The following ADCY2 variants were observed in gnomAD, a reference collection of about 807,000 sequenced individuals.
ADCY2 encodes adenylate cyclase type 2.
In ADCY2, 31 loss-of-function variants were observed where a neutral mutation model predicts 125.2. The ratio of observed to expected loss-of-function variants is 0.25; its 90% CI spans 0.19 to 0.33. The LOEUF (loss-of-function observed/expected upper bound fraction) is 0.33. Among genes scored for constraint, ADCY2 ranks in the 10% least tolerant of loss-of-function variants. ADCY2 has a pLI of 1.00. For missense variants in ADCY2, 904 were observed against 1,418.2 expected (o/e 0.64, Z 5.82); for synonymous variants, 512 against 548.4 (o/e 0.93, Z 0.93).
intron 2 of ADCY2, among the ~76,000 whole-genome samples, chr5:7,430,557 T>A (rs965359735): frequency 2.0e-5 from 3 of 148,414 alleles, no homozygotes; most frequent in African/African-American, 7.3e-5. Context: ...AGTATATTGA[T>A]ATACTATATA....
chr5:7,805,458 G>T (rs948933852), intron 22 of ADCY2, among the ~76,000 whole-genome samples: 1 of 147,608 alleles, frequency 6.8e-6, no homozygotes, highest in Non-Finnish European at 1.5e-5. Context: ...GTGTGTGTGT[G>T]AGAGAGAGAG....
At position 7,720,838 on chromosome 5, in the gene ADCY2, A is replaced by C. The variant is rs529840136; in HGVS notation, c.1703+3601A>C. 3.7e-3 allele frequency among the ~76,000 whole-genome samples: 566 copies of C among 152,296 alleles called. 1 individual carries two copies. The highest frequency in any genetic ancestry group is 0.013 in the African/African-American group (528 of 41,552). On this transcript the variant is annotated intron_variant, in intron 12 of 24. Coordinates refer to ENST00000338316, the MANE Select transcript of ADCY2 (RefSeq NM_020546.3). ...TGGTTCCAAGTCTTTGCTATTGTGAATAGTGCCGCAATAAACATACATGTG... is the reference window on the plus strand; with the variant it reads ...TGGTTCCAAGTCTTTGCTATTGTGACTAGTGCCGCAATAAACATACATGTG...
At chr5:7,626,915 A>G (rs988623661) in intron 4 of ADCY2, among the ~76,000 whole-genome samples, 4 of 152,192 alleles carry the variant, frequency 2.6e-5, no homozygotes, top group Admixed American at 1.3e-4. Flanking sequence ...CAAAGATTGC[A>G]TCTTCCCCAT....
chr5:7,440,440 T>C (rs1740970189), intron 2 of ADCY2, among the ~76,000 whole-genome samples: 1 of 152,238 alleles, frequency 6.6e-6, no homozygotes, highest in Admixed American at 6.5e-5. Flanking sequence ...AAAAAATCTT[T>C]TCATTTTGCG....
At chr5:7,609,622 T>C (rs1737503855) in intron 3 of ADCY2, among the ~76,000 whole-genome samples, 1 of 152,180 alleles carries the variant, frequency 6.6e-6, no homozygotes, top group South Asian at 2.1e-4. Flanking sequence ...ACAGGTGGGA[T>C]CTTGACCCTC....
intron 4 of ADCY2, among the ~76,000 whole-genome samples, chr5:7,644,741 C>T (rs1244516125): frequency 1.3e-5 from 2 of 152,036 alleles, no homozygotes; most frequent in African/African-American, 2.4e-5. Context: ...CTTTTCTTGT[C>T]CCCCATACAA....
intron 1 of ADCY2, among the ~76,000 whole-genome samples, chr5:7,403,937 TAC>T (rs370540720): frequency 0.06 from 8,432 of 140,296 alleles, 655 homozygotes; most frequent in African/African-American, 0.18. Flanking sequence ...CTTTCAATGC[TAC>T]ACACACACAC....
At chr5:7,419,688 T>C (rs1411552396) in intron 2 of ADCY2, among the ~76,000 whole-genome samples, 1 of 152,104 alleles carries the variant, frequency 6.6e-6, no homozygotes, top group Non-Finnish European at 1.5e-5. Flanking sequence ...AACACACTCT[T>C]CTCGGGCAGG....
intron 4 of ADCY2, chr5:7,658,162 A>G (rs1739404648): frequency 6.6e-6 from 1 of 152,228 alleles, no homozygotes; most frequent in African/African-American, 2.4e-5. Context: ...CAACCAATGC[A>G]CTGCACTGAT....
chr5:7,431,226 C>T (rs1740587651), intron 2 of ADCY2, among the ~76,000 whole-genome samples: 1 of 152,044 alleles, frequency 6.6e-6, no homozygotes, highest in Admixed American at 6.5e-5. Context: ...CTAGACTATC[C>T]GGAAATAAGT....
At chr5:7,658,819 T>G (rs1158922148) in intron 4 of ADCY2, among the ~76,000 whole-genome samples, 1 of 152,172 alleles carries the variant, frequency 6.6e-6, no homozygotes. Context: ...GATGCTGCAG[T>G]TCAAGTTCAA....
chr5:7,766,412 C>G (rs1189711646), intron 16 of ADCY2, among the ~76,000 whole-genome samples: 2 of 152,148 alleles, frequency 1.3e-5, no homozygotes, highest in Non-Finnish European at 2.9e-5. Flanking sequence ...GTAATTCTAA[C>G]CACGCCCTCT....
Position 7,523,315 on chromosome 5 carries a change from T to TAA in ADCY2, c.570+2432_570+2433dup, listed in dbSNP as rs5865718. Among the ~76,000 whole-genome samples, 491 of 135,686 alleles carry TAA rather than the reference T, an allele frequency of 3.6e-3. 2 individuals carry two copies. Among genetic ancestry groups the TAA allele is most frequent in the Middle Eastern group, 7.9e-3 (2 of 254 alleles). The allele number at this position is 135,686 out of a possible 152,430, so 89.0% of individuals were successfully genotyped here. A position where few individuals can be genotyped will look rare whatever the true frequency, so the allele number is the denominator to read the frequency against. Reference sequence around the variant, plus strand: ...AAGCATTTTTATTTTCCTGCATTGGTAAAAAAAAAAAAAAAAAGTGGGAAA... The same window carrying TAA: ...AAGCATTTTTATTTTCCTGCATTGGTAAAAAAAAAAAAAAAAAAAGTGGGAAA... On this transcript the variant is annotated intron_variant, in intron 3 of 24. Coordinates refer to ENST00000338316, the MANE Select transcript of ADCY2 (RefSeq NM_020546.3).
At chr5:7,636,451 G>A (rs1227426070) in intron 4 of ADCY2, among the ~76,000 whole-genome samples, 1 of 152,248 alleles carries the variant, frequency 6.6e-6, no homozygotes, top group Admixed American at 6.5e-5. Flanking sequence ...AGTCTATGCA[G>A]GGTGTGGGGA....
intron 4 of ADCY2, among the ~76,000 whole-genome samples, chr5:7,668,323 G>A (rs1364396041): frequency 6.6e-6 from 1 of 152,210 alleles, no homozygotes; most frequent in Non-Finnish European, 1.5e-5. Context: ...AAAGGAAGAA[G>A]GAATTCTGCC....
At chr5:7,641,896 A>G (rs1330572054) in intron 4 of ADCY2, among the ~76,000 whole-genome samples, 1 of 152,166 alleles carries the variant, frequency 6.6e-6, no homozygotes, top group Non-Finnish European at 1.5e-5. Context: ...TAGTGTATCC[A>G]TACCACATTT....
intron 18 of ADCY2, among the ~76,000 whole-genome samples, chr5:7,778,840 G>A (rs1218935149): frequency 6.6e-6 from 1 of 152,220 alleles, no homozygotes; most frequent in Admixed American, 6.5e-5. Context: ...ACACAGGAAA[G>A]GTCAGGAAGA....
intron 15 of ADCY2, among the ~76,000 whole-genome samples, chr5:7,756,444 T>C (rs1444541276): frequency 6.6e-6 from 1 of 152,220 alleles, no homozygotes. Context: ...AGTGTCCATT[T>C]TATGAATGGA....
At chr5:7,468,164 G>A (rs1208194486) in intron 2 of ADCY2, among the ~76,000 whole-genome samples, 2 of 152,110 alleles carry the variant, frequency 1.3e-5, no homozygotes. Context: ...TCAGAAATAG[G>A]GCTAAATGCC....
Sources: allele counts gnomAD v4.1 joint callset (sites outside exome capture counted in the v4.1 genomes callset), GRCh38; gene constraint gnomAD v4.1.1; transcripts MANE v1.5; gene names NCBI Gene and HGNC (gene_info 2026-07-23, HGNC 2026-07-21).